The following FOXP1 variants were observed in gnomAD, a reference collection of about 807,000 sequenced individuals.
The protein encoded by FOXP1 is forkhead box protein P1.
In FOXP1, 15 loss-of-function variants were observed where a neutral mutation model predicts 98.2. The ratio of observed to expected loss-of-function variants is 0.15; its 90% confidence interval spans 0.10 to 0.24. The LOEUF (loss-of-function observed/expected upper bound fraction) is 0.24. FOXP1 is among the 10% of genes least tolerant of loss of function. The pLI is 1.00. For missense variants in FOXP1, 633 were observed against 848.5 expected (o/e 0.75, Z 3.15); for synonymous variants, 371 against 314.5 (o/e 1.18, Z -1.90).
chr3:71,262,112 A>G (rs2069199863), intron 5 of FOXP1, among the ~76,000 whole-genome samples: 1 of 151,682 alleles, frequency 6.6e-6, no homozygotes, highest in South Asian at 2.1e-4. Flanking sequence ...CTAAAAATAC[A>G]AAAATTAGCT....
intron 3 of FOXP1, among the ~76,000 whole-genome samples, chr3:71,465,457 G>A (rs2088611156): frequency 6.6e-6 from 1 of 152,156 alleles, no homozygotes; most frequent in South Asian, 2.1e-4. Context: ...GGTGCTTAAG[G>A]AATTTGCTTA....
Position 71,561,592 on chromosome 3 carries a change from C to A in FOXP1, c.-298+19957G>T, listed in dbSNP as rs540844659. ...TAAAATGGAGATGCAAGTCTCTTCC[C>A]TGTAAGGTTGCTGTCAGGATAGAAT... On this transcript the variant is annotated intron_variant, in intron 2 of 20. Coordinates refer to ENST00000649528, the MANE Select transcript of FOXP1 (RefSeq NM_001349338.3). Among the ~76,000 whole-genome samples, 5 of 152,264 alleles carry A rather than the reference C, an allele frequency of 3.3e-5. No individual in the cohort carries two copies. In the South Asian group the frequency reaches 8.3e-4, roughly 25 times the overall value.
rs9856480 is a variant in FOXP1 at position 71,019,432 on chromosome 3, G to A, written c.870-3779C>T. ...AAAATTAGACTTCTAAAACTTTAGG[G>A]TCAATTGTTTAATAAGGTGTATTTT... On this transcript the variant is annotated intron_variant, in intron 11 of 20. Coordinates refer to ENST00000649528, the MANE Select transcript of FOXP1 (RefSeq NM_001349338.3). Among the ~76,000 whole-genome samples, 743 of 152,240 alleles carry A rather than the reference G, an allele frequency of 4.9e-3. 3 individuals carry two copies. Among genetic ancestry groups the A allele is most frequent in the African/African-American group, 0.017 (714 of 41,546 alleles).
At chr3:70,997,350 C>T (rs1012098845) in intron 13 of FOXP1, among the ~76,000 whole-genome samples, 2 of 152,160 alleles carry the variant, frequency 1.3e-5, no homozygotes, top group African/African-American at 4.8e-5. Flanking sequence ...GCAAATGCAA[C>T]AGCACAAACC....
intron 13 of FOXP1, among the ~76,000 whole-genome samples, chr3:70,992,166 G>A (rs893843411): frequency 5.3e-5 from 8 of 152,174 alleles, no homozygotes; most frequent in African/African-American, 1.9e-4. Context: ...CTTGGAAGTA[G>A]GTATTTTTAA....
intron 6 of FOXP1, chr3:71,197,936 G>A (rs1419598190): frequency 6.2e-7 from 1 of 1,614,170 alleles, no homozygotes; most frequent in Admixed American, 1.7e-5. Flanking sequence ...TGACACACAG[G>A]TCCACTCATC....
intron 7 of FOXP1, among the ~76,000 whole-genome samples, chr3:71,108,479 G>A (rs1455613807): frequency 6.6e-6 from 1 of 152,192 alleles, no homozygotes; most frequent in Non-Finnish European, 1.5e-5. Flanking sequence ...ATAGAAGAAA[G>A]CCTATGCTGG....
chr3:71,428,738 T>C (rs572484048), intron 3 of FOXP1, among the ~76,000 whole-genome samples: 104 of 152,294 alleles, frequency 6.8e-4, no homozygotes, highest in African/African-American at 2.4e-3. Context: ...AAATTAAACA[T>C]TTGTGATCCC....
chr3:70,963,659 A>G (rs909744305), intron 20 of FOXP1, among the ~76,000 whole-genome samples: 4 of 152,128 alleles, frequency 2.6e-5, no homozygotes, highest in Non-Finnish European at 5.9e-5. Context: ...CCACTCTGGG[A>G]ACACAAGAGT....
chr3:71,036,817 T>C (rs2047662779), intron 11 of FOXP1, among the ~76,000 whole-genome samples: 2 of 152,320 alleles, frequency 1.3e-5, no homozygotes, highest in African/African-American at 2.4e-5. Flanking sequence ...AAAACTCTGG[T>C]ATTTTCTTTT....
chr3:71,150,807 G>A (rs533877469), intron 6 of FOXP1, among the ~76,000 whole-genome samples: 5 of 152,116 alleles, frequency 3.3e-5, no homozygotes, highest in Non-Finnish European at 7.3e-5. Flanking sequence ...CTAGTTCAAC[G>A]TTAAGTATGT....
chr3:71,347,984 A>G (rs1390856512), intron 4 of FOXP1, among the ~76,000 whole-genome samples: 1 of 152,196 alleles, frequency 6.6e-6, no homozygotes, highest in African/African-American at 2.4e-5. Context: ...AACCCTATAC[A>G]TATGATGTGT....
chr3:71,087,233 G>A (rs528846699), intron 7 of FOXP1, among the ~76,000 whole-genome samples: 1 of 152,306 alleles, frequency 6.6e-6, no homozygotes, highest in South Asian at 2.1e-4. Context: ...GGCAGGAAAA[G>A]GGTTGCAGGT....
At chr3:71,087,950 T>C (rs2055318545) in intron 7 of FOXP1, among the ~76,000 whole-genome samples, 1 of 152,202 alleles carries the variant, frequency 6.6e-6, no homozygotes, top group African/African-American at 2.4e-5. Flanking sequence ...AAATACACAC[T>C]AGACTAGGCC....
chr3:71,478,258 G>A (rs2090007255), intron 3 of FOXP1, among the ~76,000 whole-genome samples: 1 of 152,060 alleles, frequency 6.6e-6, no homozygotes, highest in African/African-American at 2.4e-5. Context: ...CATAAGCCAT[G>A]GATCCGTAAT....
At chr3:71,141,571 A>G (rs2060071726) in intron 6 of FOXP1, among the ~76,000 whole-genome samples, 1 of 152,222 alleles carries the variant, frequency 6.6e-6, no homozygotes, top group Non-Finnish European at 1.5e-5. Context: ...GCACCAGAAC[A>G]TTAGCTTCTA....
At chr3:71,238,708 G>A (rs2067004197) in intron 5 of FOXP1, among the ~76,000 whole-genome samples, 1 of 152,186 alleles carries the variant, frequency 6.6e-6, no homozygotes, top group Non-Finnish European at 1.5e-5. Context: ...AACCAAGAGT[G>A]ACTATTATCG....
intron 3 of FOXP1, among the ~76,000 whole-genome samples, chr3:71,482,644 AC>A (rs2090366392): frequency 6.6e-6 from 1 of 151,938 alleles, no homozygotes; most frequent in Non-Finnish European, 1.5e-5. Context: ...AGGTGATCCA[AC>A]CACCTTGGCC....
Position 70,955,777 on chromosome 3 carries a change from A to G in FOXP1, c.*3470T>C, listed in dbSNP as rs910951825. ...AGATAGCCAGGAAGGCAGTGGTAGG[A>G]TAAACACAAGGGATAGGAATGTATC... On this transcript the variant is annotated 3_prime_UTR_variant, in exon 21 of 21. Coordinates refer to ENST00000649528, the MANE Select transcript of FOXP1 (RefSeq NM_001349338.3). 1.7e-5 allele frequency: 4 copies of G among 233,374 alleles called. No individual in the cohort carries two copies. Among genetic ancestry groups the G allele is most frequent in the African/African-American group, 8.8e-5 (4 of 45,276 alleles). The allele number at this position is 233,374 out of a possible 1,614,324, so 14.5% of individuals were successfully genotyped here. A position where few individuals can be genotyped will look rare whatever the true frequency, so the allele number is the denominator to read the frequency against.
Sources: gnomAD v4.1 joint callset for allele counts (sites outside exome capture counted in the v4.1 genomes callset) on GRCh38, gnomAD v4.1.1 for gene constraint, MANE v1.5 for transcripts, NCBI Gene and HGNC (gene_info 2026-07-23, HGNC 2026-07-21) for gene names.